Variants in CHODL observed in about 807,000 individuals in gnomAD.
CHODL encodes the protein chondrolectin.
CHODL carries 29 observed loss-of-function variants against 34.5 expected under a neutral mutation model. The observed-to-expected ratio is 0.84, with a 90% CI of 0.63 to 1.15. The LOEUF (loss-of-function observed/expected upper bound fraction) is 1.15. Among genes scored for constraint, CHODL ranks in the 50% most tolerant of loss-of-function variants. CHODL has a pLI of 0.00. For synonymous variants in CHODL, 125 were observed against 116.1 expected (o/e 1.08, Z -0.49); for missense variants, 332 against 332.5 (o/e 1.00, Z 0.01).
chr21:18,244,297 T>C (rs994688316), upstream of CHODL, among the ~76,000 whole-genome samples: 1 of 152,210 alleles, frequency 6.6e-6, no homozygotes, highest in African/African-American at 2.4e-5. Flanking sequence ...GCTTCAAATA[T>C]TCCTTTCAAT....
intron 2 of CHODL, among the ~76,000 whole-genome samples, chr21:18,057,760 T>C (rs1026522028): frequency 1.3e-5 from 2 of 152,096 alleles, no homozygotes; most frequent in African/African-American, 4.8e-5. Context: ...GCAAACTTCT[T>C]CTTTTCCTTG....
rs1179791856 is a variant in CHODL, at chr21:18,251,727, A to AT, written c.80-4779dup. Among the ~76,000 whole-genome samples, 186 of 103,802 alleles carry AT rather than the reference A, an allele frequency of 1.8e-3. 3 individuals carry two copies. Among genetic ancestry groups the AT allele is most frequent in the African/African-American group, 4.2e-3 (93 of 22,046 alleles). 68.1% of individuals were successfully genotyped at this position (103,802 alleles called of 152,430 possible). On this transcript the variant is annotated intron_variant, in intron 1 of 5. Transcript: ENST00000299295. ...ATTTATTTTAATATATAAAATAAAT[A>AT]TTTATTTTATTTATTTTATTTATTT... is the stretch of plus-strand genomic sequence containing the variant.
intron 2 of CHODL, among the ~76,000 whole-genome samples, chr21:18,158,166 G>A (rs1044599532): frequency 6.6e-6 from 1 of 150,848 alleles, no homozygotes; most frequent in Non-Finnish European, 1.5e-5. Flanking sequence ...GAAAATGGAA[G>A]ACAATTACTG....
intron 1 of CHODL, among the ~76,000 whole-genome samples, chr21:18,021,608 A>G (rs1183099382): frequency 6.6e-6 from 1 of 152,358 alleles, no homozygotes; most frequent in East Asian, 1.9e-4. Flanking sequence ...AACTAAAAGT[A>G]TCTTAATATA....
At chr21:18,048,069 G>C (rs2064467094) in intron 2 of CHODL, among the ~76,000 whole-genome samples, 3 of 151,892 alleles carry the variant, frequency 2.0e-5, no homozygotes, top group Admixed American at 2.0e-4. Flanking sequence ...CTTGTGAGAA[G>C]TATGTTGCTT....
intron 1 of CHODL, among the ~76,000 whole-genome samples, chr21:18,016,328 G>A (rs2064073261): frequency 1.3e-5 from 2 of 152,250 alleles, no homozygotes. Context: ...TACTTTAGAG[G>A]ATGCAAGCCG....
At chr21:17,978,642 C>G (rs112082148) in intron 1 of CHODL, among the ~76,000 whole-genome samples, 3,275 of 150,068 alleles carry the variant, frequency 0.022, 82 homozygotes, top group Middle Eastern at 0.057. Context: ...GGCGTGAACC[C>G]AGAAGGCGGA....
At chr21:18,180,240 C>T (rs899637481) in intron 2 of CHODL, among the ~76,000 whole-genome samples, 1 of 152,106 alleles carries the variant, frequency 6.6e-6, no homozygotes, top group African/African-American at 2.4e-5. Context: ...GCAGCCTTGA[C>T]CTCCCAAGCT....
At chr21:18,118,958 C>T (rs765165382) in intron 2 of CHODL, among the ~76,000 whole-genome samples, 2 of 152,164 alleles carry the variant, frequency 1.3e-5, no homozygotes, top group Non-Finnish European at 2.9e-5. Flanking sequence ...AAGAGTCAGC[C>T]GGCCTTGCTC....
At chr21:18,235,033 A>G (rs1230059926) in intron 2 of CHODL, among the ~76,000 whole-genome samples, 1 of 152,162 alleles carries the variant, frequency 6.6e-6, no homozygotes. Context: ...TAATAACATA[A>G]GAGCCAGGCA....
intron 2 of CHODL, among the ~76,000 whole-genome samples, chr21:18,193,699 AAAAAAAAAAAAT>A (rs1396497437): frequency 1.4e-5 from 2 of 143,682 alleles, no homozygotes; most frequent in African/African-American, 5.2e-5. Flanking sequence ...CTGTCTCAGA[AAAAAAAAAAAAT>A]AAAATAAATA....
At chr21:17,938,459 A>ATTTTTTT (rs1186821042) in intron 1 of CHODL, among the ~76,000 whole-genome samples, 1 of 91,868 alleles carries the variant, frequency 1.1e-5, no homozygotes, top group Non-Finnish European at 2.2e-5. Context: ...GGAAACCCAC[A>ATTTTTTT]TTCTTTTTTT....
rs533624537 is a variant in CHODL at position 17,967,044 on chromosome 21, C to T, written c.-145+49644C>T. Among the ~76,000 whole-genome samples, 4 of 152,088 alleles carry T rather than the reference C, an allele frequency of 2.6e-5. No homozygotes were observed. The East Asian group carries it at 7.8e-4, about 30-fold the overall frequency. Reference sequence around the variant, plus strand: ...GGATTACAGGCACCCACCACCATGCCTGGCTAATTTTTGTATTTTTAGTAG... The same window carrying T: ...GGATTACAGGCACCCACCACCATGCTTGGCTAATTTTTGTATTTTTAGTAG... On this transcript the variant is annotated intron_variant, in intron 1 of 6. Transcript: ENST00000400127.
intron 1 of CHODL, among the ~76,000 whole-genome samples, chr21:17,944,921 A>G (rs1463902322): frequency 6.6e-6 from 1 of 152,234 alleles, no homozygotes; most frequent in Non-Finnish European, 1.5e-5. Flanking sequence ...CGCTTCAGAA[A>G]GAAACTAGGC....
rs3077959 is a variant in CHODL, at chr21:18,248,009, C to CTTTTT, written c.79+2715_79+2719dup. On this transcript the variant is annotated intron_variant, in intron 1 of 5. Transcript: ENST00000299295. Reference sequence around the variant, plus strand: ...TGAAGTGTTTTGAAGTAATGTGTTTCTTTTTTTTTTTTCCTTTTTTCTTTC... The same window carrying CTTTTT: ...TGAAGTGTTTTGAAGTAATGTGTTTCTTTTTTTTTTTTTTTTTCCTTTTTTCTTTC... 1.1e-3 allele frequency among the ~76,000 whole-genome samples: 157 copies of CTTTTT among 144,268 alleles called. 3 individuals carry two copies. The highest frequency in any genetic ancestry group is 3.8e-3 in the African/African-American group (153 of 39,954). 94.6% of individuals were successfully genotyped at this position (144,268 alleles called of 152,430 possible). A position where few individuals can be genotyped will look rare whatever the true frequency, so the allele number is the denominator to read the frequency against.
chr21:18,013,736 G>A (rs1263881872), intron 1 of CHODL, among the ~76,000 whole-genome samples: 1 of 147,572 alleles, frequency 6.8e-6, no homozygotes, highest in South Asian at 2.2e-4. Flanking sequence ...CTGGGTTCAA[G>A]CAATTCTCCT....
intron 1 of CHODL, among the ~76,000 whole-genome samples, chr21:17,973,655 C>T (rs1483289562): frequency 1.1e-4 from 16 of 151,762 alleles, no homozygotes; most frequent in Non-Finnish European, 2.9e-5. Context: ...CTCCTGACCT[C>T]GTGATCCGCC....
intron 2 of CHODL, among the ~76,000 whole-genome samples, chr21:18,149,991 G>A (rs2072944412): frequency 6.6e-6 from 1 of 152,178 alleles, no homozygotes; most frequent in African/African-American, 2.4e-5. Flanking sequence ...TGGTTGAGAT[G>A]CAGCTTGATT....
intron 1 of CHODL, among the ~76,000 whole-genome samples, chr21:17,936,831 C>T (rs983263930): frequency 7.9e-5 from 12 of 151,978 alleles, no homozygotes; most frequent in East Asian, 1.9e-4. Context: ...ATCTCGGCAA[C>T]GTGGGAGGCT....
Sources: gnomAD v4.1 joint callset for allele counts (sites outside exome capture counted in the v4.1 genomes callset) on GRCh38, gnomAD v4.1.1 for gene constraint, MANE v1.5 for transcripts, NCBI Gene and HGNC (gene_info 2026-07-23, HGNC 2026-07-21) for gene names.